The following LRP1 variants were observed in gnomAD, a reference collection of about 807,000 sequenced individuals.
LRP1 encodes prolow-density lipoprotein receptor-related protein 1.
LRP1 carries 51 observed loss-of-function variants against 541.5 expected under a neutral mutation model. The observed-to-expected ratio is 0.09, with a 90% CI of 0.08 to 0.12. LRP1 has a LOEUF of 0.12. Ranked by LOEUF, LRP1 falls within the 10% of genes least tolerant of loss-of-function variation. The probability of loss-of-function intolerance (pLI) is 1.00; values close to 1 mark genes in which losing one functional copy is unlikely to be tolerated. For missense variants in LRP1, 3,878 were observed against 6,376.2 expected (o/e 0.61, Z 13.34); for synonymous variants, 2,219 against 2,470.8 (o/e 0.90, Z 3.02).
chr12:57,138,387 A>G (rs1264205015), intron 1 of LRP1, 72 bp from the exon 2 acceptor site: 1 of 1,562,332 alleles, frequency 6.4e-7, no homozygotes, highest in African/African-American at 1.4e-5. Context: ...GAAGAGCAGT[A>G]CTAGGGGACT....
rs2036238143 is a variant in LRP1 at position 57,184,895 on chromosome 12, G to A, written c.6243G>A (p.Leu2081=). ...CAGACAAGATTGAACGGATCGACCT[G>A]GAGACAGGTGAGAACCGCGAGGTGG... The part of the protein sequence containing the change: ...ARTDKIERID[L]ETGENREVVL... Residue 2081 remains leucine, a synonymous_variant, in exon 39 of 89, where the codon CTG becomes CTA. Coordinates refer to ENST00000243077, the MANE Select transcript of LRP1 (RefSeq NM_002332.3). The surrounding 1 kb of genome is among the most constrained non-coding windows in gnomAD (Gnocchi z 7.8). 6.2e-7 allele frequency: 1 copy of A among 1,614,196 alleles called. No homozygotes were observed. Among genetic ancestry groups the A allele is most frequent in the Non-Finnish European group, 8.5e-7 (1 of 1,180,024 alleles).
chr12:57,141,757 A>G (rs538782161), intron 3 of LRP1, among the ~76,000 whole-genome samples: 1 of 152,350 alleles, frequency 6.6e-6, no homozygotes, highest in South Asian at 2.1e-4. Flanking sequence ...TTCTTGGACT[A>G]GTCACTACCT....
rs2036611172 is a variant in LRP1 at position 57,199,857 on chromosome 12, C to G, written c.9866-20C>G. Reference sequence around the variant, plus strand: ...TAGGCCAGAAAATGTCACCATATTTCACGACGTTTTCTCTGGCAGTGCCCA... The same window carrying G: ...TAGGCCAGAAAATGTCACCATATTTGACGACGTTTTCTCTGGCAGTGCCCA... On this transcript the variant is annotated intron_variant, in intron 61 of 88. Coordinates refer to ENST00000243077, the MANE Select transcript of LRP1 (RefSeq NM_002332.3). 6.4e-7 allele frequency: 1 copy of G among 1,571,608 alleles called. No individual in the cohort carries two copies. The highest frequency in any genetic ancestry group is 1.9e-5 in the Admixed American group (1 of 51,896).
Position 57,205,956 on chromosome 12 carries a change from T to C in LRP1, c.11590+279T>C, listed in dbSNP as rs954405433. Among the ~76,000 whole-genome samples the C allele has an allele frequency of 2.0e-5, 3 of 152,126 alleles. No homozygotes were observed. Among genetic ancestry groups the C allele is most frequent in the African/African-American group, 7.2e-5 (3 of 41,412 alleles). On this transcript the variant is annotated intron_variant, in intron 75 of 88. Transcript: ENST00000243077. This position sits in a 1 kb window ranked among gnomAD's most constrained non-coding sequence, Gnocchi z 4.6. Reference sequence around the variant, plus strand: ...GGACGAGAGTACACTCAGACACGCATTGCACACTCACAGTCATGGGGGCCT... The same window carrying C: ...GGACGAGAGTACACTCAGACACGCACTGCACACTCACAGTCATGGGGGCCT...
Position 57,198,286 on chromosome 12 carries a change from T to C in LRP1, c.9413T>C (p.Val3138Ala). The change falls in exon 59 of 89, where the codon GTG becomes GCG. Residue 3138 changes from valine (V) to alanine (A), a missense_variant. Val to Ala is a moderately conservative substitution (Grantham distance 64). Transcript: ENST00000243077. ...AAGCTCAATGGGGCCTATCGGACGG[T>C]GCTGGTCAGCTCTGGCCTCCGTGAG... is the stretch of plus-strand genomic sequence containing the variant. ...VSKLNGAYRT[V>A]LVSSGLREPR... The C allele has an allele frequency of 6.2e-7, 1 of 1,613,880 alleles. No homozygotes were observed. The highest frequency in any genetic ancestry group is 8.5e-7 in the Non-Finnish European group (1 of 1,179,962).
chr12:57,183,087 G>A lies in LRP1; in HGVS notation c.5663-292G>A, dbSNP rs1200692212. 1.3e-5 allele frequency among the ~76,000 whole-genome samples: 2 copies of A among 152,148 alleles called. No homozygotes were observed. Among genetic ancestry groups the A allele is most frequent in the African/African-American group, 4.8e-5 (2 of 41,414 alleles). On this transcript the variant is annotated intron_variant, in intron 34 of 88. Transcript: ENST00000243077. The surrounding 1 kb of genome is among the most constrained non-coding windows in gnomAD (Gnocchi z 6.1). ...AGGAACTTGCAGGGGTGCAGGGTTG[G>A]GTTGTGCTGGGTGGAGGCCGGCAGA...
rs1168355489 is a variant in LRP1, at chr12:57,160,598, G to A, written c.1980-295G>A. ...CTTTATTTCCCTCCTGGCCTTTATC[G>A]CTCTCCATGTAACCTTGATTGACCT... is the stretch of plus-strand genomic sequence containing the variant. On this transcript the variant is annotated intron_variant, in intron 12 of 88. Transcript: ENST00000243077. Among the ~76,000 whole-genome samples, 5 of 152,014 alleles carry A rather than the reference G, an allele frequency of 3.3e-5. No individual in the cohort carries two copies. In the South Asian group the frequency reaches 8.3e-4, roughly 25 times the overall value.
rs1421147757 is a variant in LRP1 at position 57,177,226 on chromosome 12, G to A, written c.4177G>A (p.Ala1393Thr). ...TGACATTGAGCACCCAAGGGCAATC[G>A]CACTGGATCCCCGGGATGGGTGAGG... is the stretch of plus-strand genomic sequence containing the variant. ...AGDIEHPRAI[A>T]LDPRDGILFW... Residue 1393 changes from alanine to threonine, a missense_variant, in exon 25 of 89, where the codon GCA becomes ACA. This residue lies in a region of LRP1 where 24 missense variants were observed against 109.1 expected (regional missense o/e 0.22). Transcript: ENST00000243077. The surrounding 1 kb of genome is among the most constrained non-coding windows in gnomAD (Gnocchi z 6.8). 1.2e-6 allele frequency: 2 copies of A among 1,614,152 alleles called. No individual in the cohort carries two copies. The highest frequency in any genetic ancestry group is 8.5e-7 in the Non-Finnish European group (1 of 1,179,998).
At chr12:57,194,888 GCTGTGGGCATCTCTC>G (rs1197549122) in intron 50 of LRP1, 82 bp from the exon 51 acceptor site, 1 of 1,171,926 alleles carries the variant, frequency 8.5e-7, no homozygotes, top group African/African-American at 1.5e-5. Flanking sequence ...ACAGAGGGGT[GCTGTGGGCATCTCTC>G]CTGTCCTTCC....
At chr12:57,194,090 C>T (rs1037771397) in intron 48 of LRP1, 78 bp downstream of exon 48, 10 of 1,281,618 alleles carry the variant, frequency 7.8e-6, no homozygotes, top group Middle Eastern at 2.2e-4. Flanking sequence ...GGCCCTCCTG[C>T]ACCTGCCCAC....
At chr12:57,176,992 G>T in intron 24 of LRP1, 49 bp from the exon 25 acceptor site, 2 of 1,525,312 alleles carry the variant, frequency 1.3e-6, no homozygotes, top group Non-Finnish European at 1.8e-6. Context: ...ACACATTCAT[G>T]CACAGCTCCC....
rs1340002405 is a variant in LRP1 at position 57,184,036 on chromosome 12, C to T, written c.5930-49C>T. On this transcript the variant is annotated intron_variant, in intron 36 of 88. Transcript: ENST00000243077. This position sits in a 1 kb window ranked among gnomAD's most constrained non-coding sequence, Gnocchi z 7.8. ...GCCTGGGAGCTTGGAGACACCAGGTCCACCTGTCCTCACCTAACCTCCCTG... is the reference window on the plus strand; with the variant it reads ...GCCTGGGAGCTTGGAGACACCAGGTTCACCTGTCCTCACCTAACCTCCCTG... The T allele has an allele frequency of 6.2e-7, 1 of 1,602,734 alleles. No homozygotes were observed. The highest frequency in any genetic ancestry group is 8.5e-7 in the Non-Finnish European group (1 of 1,173,194).
At chr12:57,149,117 G>C in intron 6 of LRP1, 1 of 506,726 alleles carries the variant, frequency 2.0e-6, no homozygotes, top group Non-Finnish European at 3.5e-6. Context: ...CCTCCCCACT[G>C]TGCTGGGCAC....
At chr12:57,190,634 G>A (rs1303700717) in intron 42 of LRP1, among the ~76,000 whole-genome samples, 171 bp from the exon 43 acceptor site, 1 of 152,260 alleles carries the variant, frequency 6.6e-6, no homozygotes, top group Non-Finnish European at 1.5e-5. Context: ...TGAACTGTCT[G>A]TGCAATAGTG....
chr12:57,181,638 T>A (rs2036168627), intron 34 of LRP1, among the ~76,000 whole-genome samples: 1 of 151,984 alleles, frequency 6.6e-6, no homozygotes, highest in Non-Finnish European at 1.5e-5. Context: ...TGTGGGGAAG[T>A]CCTGGAGATA....
At position 57,156,752 on chromosome 12, in the gene LRP1, T is replaced by C. The variant is rs2035627834; in HGVS notation, c.1418-25T>C. 1 of 1,592,274 alleles carries C rather than the reference T, an allele frequency of 6.3e-7. No homozygotes were observed. The highest frequency in any genetic ancestry group is 8.6e-7 in the Non-Finnish European group (1 of 1,164,912). Reference sequence around the variant, plus strand: ...CTGGCACAGGGGCTCTGAGGGGTCCTAACAGCTCTTCACCCTGCCCCCAGT... The same window carrying C: ...CTGGCACAGGGGCTCTGAGGGGTCCCAACAGCTCTTCACCCTGCCCCCAGT... On this transcript the variant is annotated intron_variant, in intron 9 of 88. Transcript: ENST00000243077. The surrounding 1 kb of genome is among the most constrained non-coding windows in gnomAD (Gnocchi z 5.2).
At chr12:57,145,170 C>T in intron 5 of LRP1, 57 bp from the exon 6 acceptor site, 1 of 1,613,220 alleles carries the variant, frequency 6.2e-7, no homozygotes, top group Non-Finnish European at 8.5e-7. Context: ...TGGGTGGTGG[C>T]CTGAGAGGTG....
chr12:57,159,793 C>A (rs372201174), intron 11 of LRP1, 32 bp from the exon 12 acceptor site: 17 of 1,606,328 alleles, frequency 1.1e-5, no homozygotes. Context: ...TCCTTTGAAG[C>A]TGTTCATCAC....
chr12:57,145,029 G>A lies in LRP1; in HGVS notation c.506G>A (p.Gly169Asp), dbSNP rs201406588. 206 of 1,613,932 alleles carry A rather than the reference G, an allele frequency of 1.3e-4. No homozygotes were observed. The highest frequency in any genetic ancestry group is 1.4e-4 in the Non-Finnish European group (160 of 1,180,028). Residue 169 changes from glycine to aspartate, a missense_variant, in exon 5 of 89, where the codon GGC becomes GAC. Gly to Asp is a moderately conservative substitution (Grantham distance 94). Transcript: ENST00000243077. Reference sequence around the variant, plus strand: ...AGCCAGCTATGCACCAACACAGACGGCTCCTTCATATGTGGCTGTGTTGAA... The same window carrying A: ...AGCCAGCTATGCACCAACACAGACGACTCCTTCATATGTGGCTGTGTTGAA... ...TCSQLCTNTD[G>D]SFICGCVEGY... is the part of the protein sequence containing the mutation.
Sources: allele counts gnomAD v4.1 joint callset (sites outside exome capture counted in the v4.1 genomes callset), GRCh38; gene constraint gnomAD v4.1.1; regional missense constraint gnomAD v4.1.1; non-coding constraint Gnocchi (gnomAD v3.1); transcripts MANE v1.5; gene names NCBI Gene and HGNC (gene_info 2026-07-23, HGNC 2026-07-21).